The following GRM8 variants were observed in gnomAD, a reference collection of about 807,000 sequenced individuals.
GRM8 encodes the protein glutamate metabotropic receptor 8.
GRM8 carries 47 observed loss-of-function variants against 87.2 expected under a neutral mutation model. That is an observed-to-expected ratio of 0.54 (90% CI 0.43 to 0.69). GRM8 has a LOEUF of 0.69. GRM8 is among the 30% of genes least tolerant of loss of function. The probability of loss-of-function intolerance (pLI) is 0.00; values close to 1 mark genes in which losing one functional copy is unlikely to be tolerated. For synonymous variants in GRM8, 396 were observed against 404.5 expected (o/e 0.98, Z 0.25); for missense variants, 1,019 against 1,139.2 (o/e 0.89, Z 1.52).
intron 8 of GRM8, among the ~76,000 whole-genome samples, chr7:126,538,227 C>T (rs12155435): frequency 0.16 from 24,921 of 152,058 alleles, 2,207 homozygotes; most frequent in Middle Eastern, 0.2. Context: ...CCAAAGTTTC[C>T]GGGTGAGTGT....
chr7:126,830,192 C>G (rs963369924), intron 6 of GRM8, among the ~76,000 whole-genome samples: 22 of 152,068 alleles, frequency 1.4e-4, no homozygotes, highest in Non-Finnish European at 3.1e-4. Context: ...TGGAGTTGCT[C>G]TTCTCGAGGA....
chr7:126,670,200 A>C (rs541036533), intron 7 of GRM8, among the ~76,000 whole-genome samples: 8 of 152,326 alleles, frequency 5.3e-5, no homozygotes, highest in Admixed American at 4.6e-4. Context: ...CAGCTTTCCC[A>C]AAATCAAACT....
chr7:126,965,009 G>A (rs1197648526), intron 3 of GRM8, among the ~76,000 whole-genome samples: 1 of 152,078 alleles, frequency 6.6e-6, no homozygotes, highest in Non-Finnish European at 1.5e-5. Flanking sequence ...TCTTTTGCAG[G>A]GACATGGATA....
chr7:126,796,027 A>G (rs1011072093), intron 6 of GRM8, among the ~76,000 whole-genome samples: 11 of 152,128 alleles, frequency 7.2e-5, no homozygotes, highest in Non-Finnish European at 1.5e-4. Context: ...AATTTTCCTT[A>G]ATATACATGA....
intron 3 of GRM8, among the ~76,000 whole-genome samples, chr7:126,933,844 A>G (rs1208391893): frequency 1.3e-5 from 2 of 152,172 alleles, no homozygotes; most frequent in African/African-American, 4.8e-5. Flanking sequence ...TTCATTCTCT[A>G]TCACCTCTCT....
chr7:127,216,424 A>G (rs1796537619), intron 2 of GRM8, among the ~76,000 whole-genome samples: 1 of 149,626 alleles, frequency 6.7e-6, no homozygotes, highest in Non-Finnish European at 1.5e-5. Flanking sequence ...AAGCTGAGGC[A>G]GGAGAATTTC....
At chr7:127,144,378 T>C (rs2133283910) in intron 2 of GRM8, among the ~76,000 whole-genome samples, 1 of 152,282 alleles carries the variant, frequency 6.6e-6, no homozygotes, top group Middle Eastern at 3.4e-3. Flanking sequence ...CACTGGATGC[T>C]ATTGCTAACC....
At chr7:126,836,676 A>G (rs1171770279) in intron 6 of GRM8, among the ~76,000 whole-genome samples, 1 of 152,078 alleles carries the variant, frequency 6.6e-6, no homozygotes, top group East Asian at 1.9e-4. Flanking sequence ...TCACTCCTTA[A>G]ATTCAGTCAT....
chr7:126,553,642 A>G (rs576864623), intron 8 of GRM8, among the ~76,000 whole-genome samples: 1 of 152,292 alleles, frequency 6.6e-6, no homozygotes, highest in Admixed American at 6.5e-5. Context: ...AGTTTTGAAT[A>G]TATTAAGAAT....
At chr7:126,875,650 C>A (rs1265984443) in intron 6 of GRM8, among the ~76,000 whole-genome samples, 2 of 152,142 alleles carry the variant, frequency 1.3e-5, no homozygotes, top group Admixed American at 1.3e-4. Flanking sequence ...GAACTATCGT[C>A]TAATTATGTC....
At position 127,122,862 on chromosome 7, in the gene GRM8, A is replaced by AG. The variant is rs530645794; in HGVS notation, c.511-16151dup. ...TTTTGGGAGAGGGACTGAGAAGAGT[A>AG]GGGGGTAGATTAAATATACTGGTTG... On this transcript the variant is annotated intron_variant, in intron 2 of 10. Transcript: ENST00000339582. 3.2e-3 allele frequency among the ~76,000 whole-genome samples: 486 copies of AG among 152,242 alleles called. 3 individuals carry two copies. Among genetic ancestry groups the AG allele is most frequent in the Non-Finnish European group, 4.2e-3 (283 of 68,016 alleles).
In GRM8 at chr7:126,454,428, CT is replaced by C. The variant is rs541190962; in HGVS notation, c.2431-8057del. On this transcript the variant is annotated intron_variant, in intron 9 of 10. Coordinates refer to ENST00000339582, the MANE Select transcript of GRM8 (RefSeq NM_000845.3). Reference sequence around the variant, plus strand: ...TCAGATAGATATTTTCTCTATAACCCTTTTTAAAGACAAAATAATTGATTCA... The same window carrying C: ...TCAGATAGATATTTTCTCTATAACCCTTTTAAAGACAAAATAATTGATTCA... 3.7e-4 allele frequency among the ~76,000 whole-genome samples: 56 copies of C among 151,626 alleles called. 2 individuals are homozygous for C. In the East Asian group the frequency reaches 0.011, roughly 30 times the overall value.
chr7:126,938,426 T>A (rs1047067130), intron 3 of GRM8, among the ~76,000 whole-genome samples: 6 of 152,234 alleles, frequency 3.9e-5, no homozygotes, highest in Non-Finnish European at 7.3e-5. Context: ...CTGCCAAACC[T>A]GTACCCTAAT....
chr7:126,766,667 T>C (rs969459480), intron 7 of GRM8, among the ~76,000 whole-genome samples: 1 of 152,106 alleles, frequency 6.6e-6, no homozygotes, highest in African/African-American at 2.4e-5. Flanking sequence ...TGTTTTTTGT[T>C]GTCGTGTATA....
intron 7 of GRM8, among the ~76,000 whole-genome samples, chr7:126,647,149 C>A (rs1455311684): frequency 6.6e-6 from 1 of 152,054 alleles, no homozygotes; most frequent in Non-Finnish European, 1.5e-5. Context: ...CCCAGCTACT[C>A]AGGAAGTGAG....
chr7:126,796,335 A>G (rs1821946829), intron 6 of GRM8, among the ~76,000 whole-genome samples: 1 of 152,018 alleles, frequency 6.6e-6, no homozygotes, highest in Admixed American at 6.6e-5. Context: ...TTGCTTCTGA[A>G]AAAAAAGTGA....
chr7:126,754,909 G>C (rs1214008417), intron 7 of GRM8, among the ~76,000 whole-genome samples: 1 of 151,548 alleles, frequency 6.6e-6, no homozygotes, highest in Non-Finnish European at 1.5e-5. Flanking sequence ...AAAGCACATT[G>C]CTATCATGCT....
chr7:126,484,796 G>C (rs554853097), intron 9 of GRM8, among the ~76,000 whole-genome samples: 3 of 151,780 alleles, frequency 2.0e-5, no homozygotes, highest in Non-Finnish European at 2.9e-5. Flanking sequence ...AAACAAACGT[G>C]CTATTAAAAA....
At chr7:126,535,286 G>C (rs771026922) in intron 8 of GRM8, among the ~76,000 whole-genome samples, 28 of 152,080 alleles carry the variant, frequency 1.8e-4, no homozygotes, top group Non-Finnish European at 3.7e-4. Context: ...GGTCATAAAA[G>C]GCATTTTGGT....
Sources: allele counts gnomAD v4.1 joint callset (sites outside exome capture counted in the v4.1 genomes callset), GRCh38; gene constraint gnomAD v4.1.1; transcripts MANE v1.5; gene names NCBI Gene and HGNC (gene_info 2026-07-23, HGNC 2026-07-21).